ZNF479: variants seen among roughly 807,000 people sequenced by gnomAD.
ZNF479 encodes KRAB zinc finger protein KR19.
A neutral mutation model predicts 14.7 loss-of-function variants in ZNF479; 15 were observed. The observed-to-expected ratio is 1.02, with a 90% CI of 0.68 to 1.57. ZNF479 has a LOEUF of 1.57. ZNF479 is among the 40% of genes most tolerant of loss of function. The pLI, the probability that ZNF479 is intolerant of heterozygous loss-of-function variation, is 0.00. For missense variants in ZNF479, 506 were observed against 615.1 expected (o/e 0.82, Z 1.88); for synonymous variants, 145 against 211.5 (o/e 0.69, Z 2.73).
upstream of ZNF479, among the ~76,000 whole-genome samples, chr7:57,136,885 T>C (rs1174933634): frequency 2.0e-5 from 3 of 152,188 alleles, no homozygotes; most frequent in Non-Finnish European, 4.4e-5. Flanking sequence ...TTTTTGAAAA[T>C]ACCTTGTACA....
chr7:57,119,683 T>G lies in ZNF479; in HGVS notation c.*157A>C. On this transcript the variant is annotated 3_prime_UTR_variant, in exon 4 of 4. Coordinates refer to ENST00000319636, the MANE Select transcript of ZNF479 (RefSeq NM_001370129.2). ...TGGTTAAAGGCTTTGTTACATTTTT[T>G]TACATTTATAAAATTTCTGTCCAAT... The G allele has an allele frequency of 1.4e-6, 1 of 739,378 alleles. No individual in the cohort carries two copies. The highest frequency in any genetic ancestry group is 1.8e-5 in the African/African-American group (1 of 56,184). 45.8% of individuals were successfully genotyped at this position (739,378 alleles called of 1,614,324 possible). A position where few individuals can be genotyped will look rare whatever the true frequency, so the allele number is the denominator to read the frequency against.
intron 1 of ZNF479, among the ~76,000 whole-genome samples, chr7:57,129,484 T>C (rs1193712962): frequency 1.3e-5 from 2 of 152,012 alleles, no homozygotes; most frequent in Non-Finnish European, 1.5e-5. Flanking sequence ...ATACTACTGC[T>C]ACAAATAAAA....
At chr7:57,121,282 T>C in intron 3 of ZNF479, 130 bp from the exon 4 acceptor site, 1 of 707,638 alleles carries the variant, frequency 1.4e-6, no homozygotes, top group Non-Finnish European at 2.4e-6. Flanking sequence ...AGGCCATAAT[T>C]CCTTCATAGA....
At chr7:57,132,021 G>A (rs975936389) in intron 1 of ZNF479, among the ~76,000 whole-genome samples, 9 of 152,124 alleles carry the variant, frequency 5.9e-5, no homozygotes, top group Non-Finnish European at 1.2e-4. Flanking sequence ...GAGATGAGGC[G>A]CTGGGAGTGC....
In ZNF479 at chr7:57,120,990, T is replaced by C; in HGVS notation, c.425A>G (p.Tyr142Cys). 4 of 1,614,170 alleles carry C rather than the reference T, an allele frequency of 2.5e-6. No individual in the cohort carries two copies. Among genetic ancestry groups the C allele is most frequent in the Non-Finnish European group, 3.4e-6 (4 of 1,180,024 alleles). ...TGACAAACATTGGTTAACTTCACTA[T>C]AACCTCCCTTGTGCACCTCATATTC... The part of the protein sequence containing the change: ...VGEYEVHKGG[Y>C]SEVNQCLSTT... The change falls in exon 4 of 4, where the codon TAT (tyrosine) becomes TGT (cysteine). Residue 142 changes from tyrosine (Y) to cysteine (C), a missense_variant. Physicochemically the swap from Tyr to Cys is radical, Grantham distance 194. Transcript: ENST00000319636.
intron 1 of ZNF479, among the ~76,000 whole-genome samples, chr7:57,138,384 A>ACG: frequency 6.6e-6 from 1 of 152,210 alleles, no homozygotes; most frequent in African/African-American, 2.4e-5. Context: ...TAAAATTGTG[A>ACG]ATCTTATAGG....
At chr7:57,122,085 C>A (rs1297982946) in intron 3 of ZNF479, among the ~76,000 whole-genome samples, 3 of 151,920 alleles carry the variant, frequency 2.0e-5, no homozygotes, top group African/African-American at 7.2e-5. Context: ...ACAAAAAGAT[C>A]CGCAACACAA....
upstream of ZNF479, among the ~76,000 whole-genome samples, chr7:57,134,156 G>A (rs1429075993): frequency 3.9e-5 from 6 of 152,092 alleles, no homozygotes; most frequent in Admixed American, 3.9e-4. Flanking sequence ...GAAACCTACA[G>A]GACTGCATTT....
chr7:57,118,622 G>T lies in ZNF479; in HGVS notation c.*1218C>A, dbSNP rs1379566076. ...CCTGACCTCATGATCCACCGACCTT[G>T]GTCTCCCAAAGTGCTGGAATTATAG... On this transcript the variant is annotated 3_prime_UTR_variant, in exon 4 of 4. Transcript: ENST00000319636. Among the ~76,000 whole-genome samples, 1 of 152,108 alleles carries T rather than the reference G, an allele frequency of 6.6e-6. No homozygotes were observed. The highest frequency in any genetic ancestry group is 6.6e-5 in the Admixed American group (1 of 15,250).
chr7:57,133,913 C>A (rs573232158), upstream of ZNF479, among the ~76,000 whole-genome samples: 9 of 152,296 alleles, frequency 5.9e-5, no homozygotes, highest in South Asian at 1.9e-3. Context: ...TTGATTGCAA[C>A]AACTTAATCA....
intron 3 of ZNF479, among the ~76,000 whole-genome samples, chr7:57,122,743 A>G (rs1583932760): frequency 6.6e-6 from 1 of 152,180 alleles, no homozygotes; most frequent in Non-Finnish European, 1.5e-5. Context: ...CTTTATAGAC[A>G]CATGAAAGCA....
chr7:57,123,846 A>T (rs1263476232), intron 3 of ZNF479, among the ~76,000 whole-genome samples: 1 of 152,086 alleles, frequency 6.6e-6, no homozygotes, highest in Non-Finnish European at 1.5e-5. Flanking sequence ...AAAAAAAAAT[A>T]AGAAGAGCAA....
At chr7:57,134,575 T>C (rs556223913), upstream of ZNF479, among the ~76,000 whole-genome samples, 1 of 152,030 alleles carries the variant, frequency 6.6e-6, no homozygotes, top group Non-Finnish European at 1.5e-5. Flanking sequence ...CTGCTCTGCC[T>C]AGAGAGTAGC....
At chr7:57,138,374 T>C (rs1425048770) in intron 1 of ZNF479, among the ~76,000 whole-genome samples, 1 of 152,184 alleles carries the variant, frequency 6.6e-6, no homozygotes, top group Admixed American at 6.5e-5. Context: ...AGCACCGAGG[T>C]AAAATTGTGA....
intron 1 of ZNF479, 54 bp from the exon 2 acceptor site, chr7:57,126,772 G>A (rs1786187799): frequency 1.7e-5 from 28 of 1,602,074 alleles, no homozygotes; most frequent in Non-Finnish European, 2.2e-5. Context: ...TTACCACACG[G>A]CCATAGGCAG....
chr7:57,127,170 G>A (rs1435938355), intron 1 of ZNF479, among the ~76,000 whole-genome samples: 1 of 151,780 alleles, frequency 6.6e-6, no homozygotes, highest in Admixed American at 6.6e-5. Flanking sequence ...CTACAGGCAT[G>A]AGCCACCATG....
Position 57,120,757 on chromosome 7 carries a change from T to C in ZNF479, c.658A>G (p.Lys220Glu), listed in dbSNP as rs782682550. The C allele has an allele frequency of 7.4e-6, 12 of 1,612,938 alleles. No individual in the cohort carries two copies. In the South Asian group the frequency reaches 1.3e-4, roughly 18 times the overall value. ...TGGTTTGAGGAGCAGTTAAAGGATT[T>C]GCCACATTCTTTGCATTTGTAGGAC... Reference protein sequence around the residue: ...EKSYKCKECGKSFNCSSNHTT... With the variant: ...EKSYKCKECGESFNCSSNHTT... Residue 220 changes from lysine to glutamate, a missense_variant, in exon 4 of 4, where the codon AAA (lysine) becomes GAA (glutamate). Physicochemically the swap from Lys to Glu is moderately conservative, Grantham distance 56. This residue lies in a region of ZNF479 where 420 missense variants were observed against 474.2 expected (regional missense o/e 0.89). Transcript: ENST00000319636.
upstream of ZNF479, among the ~76,000 whole-genome samples, chr7:57,137,107 T>C (rs184336827): frequency 6.6e-6 from 1 of 152,244 alleles, no homozygotes. Flanking sequence ...TAAAGTCAAG[T>C]AGTAAGAGAA....
At chr7:57,123,131 A>G (rs949023476) in intron 3 of ZNF479, among the ~76,000 whole-genome samples, 2 of 152,220 alleles carry the variant, frequency 1.3e-5, no homozygotes, top group African/African-American at 2.4e-5. Flanking sequence ...TACAAGAAGT[A>G]TATGCCAGCA....
Sources: gnomAD v4.1 joint callset for allele counts (sites outside exome capture counted in the v4.1 genomes callset) on GRCh38, gnomAD v4.1.1 for gene constraint, gnomAD v4.1.1 regional missense constraint, MANE v1.5 for transcripts, NCBI Gene and HGNC (gene_info 2026-07-23, HGNC 2026-07-21) for gene names.